Variants in MAP2 observed in about 807,000 individuals in gnomAD.
MAP2 encodes the protein microtubule-associated protein 2.
In MAP2, 14 loss-of-function variants were observed where a neutral mutation model predicts 137.6. The ratio of observed to expected loss-of-function variants is 0.10; its 90% CI spans 0.07 to 0.16. The LOEUF (loss-of-function observed/expected upper bound fraction) is 0.16. Ranked by LOEUF, MAP2 falls within the 10% of genes least tolerant of loss-of-function variation. The pLI is 1.00. For missense variants in MAP2, 2,088 were observed against 2,191.5 expected (o/e 0.95, Z 0.94); for synonymous variants, 786 against 782.3 (o/e 1.00, Z -0.08).
At chr2:209,678,890 G>A (rs2053208095) in intron 6 of MAP2, among the ~76,000 whole-genome samples, 1 of 151,970 alleles carries the variant, frequency 6.6e-6, no homozygotes, top group African/African-American at 2.4e-5. Context: ...CTTTCGTTAG[G>A]GTGGTGAGCT....
chr2:209,500,205 C>T (rs1307575497), intron 1 of MAP2, among the ~76,000 whole-genome samples: 1 of 152,130 alleles, frequency 6.6e-6, no homozygotes, highest in Non-Finnish European at 1.5e-5. Flanking sequence ...AATTTAAAAC[C>T]TTCAGTGGTC....
Position 209,435,852 on chromosome 2 carries a change from C to G in MAP2, c.-222+11576C>G, listed in dbSNP as rs1695800002. Among the ~76,000 whole-genome samples, 3 of 148,610 alleles carry G rather than the reference C, an allele frequency of 2.0e-5. No homozygotes were observed. The South Asian group carries it at 6.3e-4, about 31-fold the overall frequency. On this transcript the variant is annotated intron_variant, in intron 1 of 15. Coordinates refer to ENST00000682079, the MANE Select transcript of MAP2 (RefSeq NM_001375505.1). ...GTGGAGATGGGTGAGAGTTAGAAGC[C>G]ATGCAGAAATGTAGTCAGTCAGTGA...
intron 1 of MAP2, among the ~76,000 whole-genome samples, chr2:209,480,155 C>G (rs1003180490): frequency 2.6e-4 from 39 of 152,106 alleles, no homozygotes; most frequent in African/African-American, 8.9e-4. Context: ...TAGACTGTCA[C>G]TGTGTCAAAG....
At chr2:209,583,147 G>GTCTGTCTATCTATCTATCTATCTA (rs372013614) in intron 3 of MAP2, among the ~76,000 whole-genome samples, 1,925 of 147,232 alleles carry the variant, frequency 0.013, 46 homozygotes, top group African/African-American at 0.047. Context: ...CTGTCTGTCT[G>GTCTGTCTATCTATCTATCTATCTA]TCTATCTATC....
intron 5 of MAP2, among the ~76,000 whole-genome samples, chr2:209,677,833 A>G (rs188082836): frequency 9.2e-5 from 14 of 152,134 alleles, no homozygotes; most frequent in African/African-American, 3.4e-4. Flanking sequence ...TCAACTCTCT[A>G]GAAAAATACT....
chr2:209,515,694 C>T (rs2062394408), intron 2 of MAP2, among the ~76,000 whole-genome samples: 1 of 152,090 alleles, frequency 6.6e-6, no homozygotes, highest in Admixed American at 6.6e-5. Context: ...AGAGGCAAAC[C>T]ATATCAGTAG....
chr2:209,545,295 TGAAATCCATCTGTGG>T (rs1214944541), intron 2 of MAP2, among the ~76,000 whole-genome samples: 2 of 152,250 alleles, frequency 1.3e-5, no homozygotes, highest in Admixed American at 6.5e-5. Flanking sequence ...CTCTTGTAGA[TGAAATCCATCTGTGG>T]GAAAGCATCC....
chr2:209,593,634 A>AAAAAAAAAAAAT (rs1286103137), intron 3 of MAP2, among the ~76,000 whole-genome samples: 13 of 33,642 alleles, frequency 3.9e-4, no homozygotes, highest in South Asian at 1.3e-3. Context: ...AAAAAAAAAA[A>AAAAAAAAAAAAT]ATATATATAT....
chr2:209,509,704 G>T (rs2061496996), intron 2 of MAP2, among the ~76,000 whole-genome samples: 1 of 151,788 alleles, frequency 6.6e-6, no homozygotes, highest in Non-Finnish European at 1.5e-5. Flanking sequence ...TAAAATAAAA[G>T]AGTTTCCCTC....
At chr2:209,668,783 G>A (rs938861941) in intron 5 of MAP2, among the ~76,000 whole-genome samples, 1 of 151,948 alleles carries the variant, frequency 6.6e-6, no homozygotes, top group Admixed American at 6.6e-5. Context: ...TTGGGTTGTG[G>A]CTGAGCTTTT....
chr2:209,596,115 GAAAGAAAAA>G (rs2153448491), intron 3 of MAP2, among the ~76,000 whole-genome samples: 1 of 151,206 alleles, frequency 6.6e-6, no homozygotes, highest in East Asian at 1.9e-4. Context: ...TTTAAAAAGA[GAAAGAAAAA>G]AAAGAAAATA....
Position 209,696,626 on chromosome 2 carries a change from T to G in MAP2, c.4265T>G (p.Leu1422Arg). 6.2e-7 allele frequency: 1 copy of G among 1,613,808 alleles called. No homozygotes were observed. The highest frequency in any genetic ancestry group is 8.5e-7 in the Non-Finnish European group (1 of 1,179,848). The change falls in exon 9 of 16, where the codon CTT (leucine) becomes CGT (arginine). Residue 1422 changes from leucine to arginine, a missense_variant. By Grantham distance (102) the Leu-to-Arg change is moderately radical. This residue lies in a region of MAP2 where 591 missense variants were observed against 642.6 expected (regional missense o/e 0.92). Transcript: ENST00000682079. ...KAEKEARRSSLEKHRKEKPFK... is the reference protein window; with the variant it reads ...KAEKEARRSSREKHRKEKPFK... ...GAAAAGGAAGCTCGGAGATCATCTC[T>G]TGAGAAACATAGAAAAGAAAAGCCT... is the stretch of plus-strand genomic sequence containing the variant.
At chr2:209,601,281 TTC>T (rs1350358986) in intron 3 of MAP2, among the ~76,000 whole-genome samples, 1 of 152,198 alleles carries the variant, frequency 6.6e-6, no homozygotes, top group Non-Finnish European at 1.5e-5. Context: ...TTATTCTTTT[TTC>T]TTTTTTTCAA....
At chr2:209,713,581 C>T (rs1217372399) in intron 13 of MAP2, among the ~76,000 whole-genome samples, 2 of 152,196 alleles carry the variant, frequency 1.3e-5, no homozygotes, top group Admixed American at 6.5e-5. Flanking sequence ...GGAAGACTAT[C>T]TTATTAAGTG....
chr2:209,493,553 A>G (rs1459900264), intron 1 of MAP2, among the ~76,000 whole-genome samples: 1 of 152,234 alleles, frequency 6.6e-6, no homozygotes. Context: ...CAAAGGGCTA[A>G]TATCCAGAGT....
In MAP2 at chr2:209,693,617, G is replaced by A; in HGVS notation, c.1447G>A (p.Glu483Lys). The change falls in exon 8 of 16, where the codon GAA becomes AAA. Residue 483 changes from glutamate to lysine, a missense_variant. Glu to Lys is a moderately conservative substitution (Grantham distance 56). Transcript: ENST00000682079. ...GACCTCCACAGAGCACACTTTCTCA[G>A]AACAGAAAGACCAAGAGCCTACCAC... ...IQTSTEHTFS[E>K]QKDQEPTTDM... is the part of the protein sequence containing the mutation. The A allele has an allele frequency of 2.5e-6, 4 of 1,613,914 alleles. No homozygotes were observed. Among genetic ancestry groups the A allele is most frequent in the Non-Finnish European group, 3.4e-6 (4 of 1,180,000 alleles).
chr2:209,480,533 C>A, intron 1 of MAP2, among the ~76,000 whole-genome samples: 1 of 96,474 alleles, frequency 1.0e-5, no homozygotes, highest in Admixed American at 1.2e-4. Flanking sequence ...TTAAGATGAT[C>A]TAAAGTTTGT....
At chr2:209,467,875 G>A (rs1011282410) in intron 1 of MAP2, among the ~76,000 whole-genome samples, 1 of 152,104 alleles carries the variant, frequency 6.6e-6, no homozygotes, top group Admixed American at 6.6e-5. Context: ...TGTCTCATAG[G>A]TTGGTATGAC....
chr2:209,726,172 A>G (rs752861901), intron 14 of MAP2, among the ~76,000 whole-genome samples: 4 of 152,112 alleles, frequency 2.6e-5, no homozygotes, highest in African/African-American at 9.7e-5. Context: ...GGCTTTCTAC[A>G]TTATGTAAAA....
Sources: gnomAD v4.1 joint callset for allele counts (sites outside exome capture counted in the v4.1 genomes callset) on GRCh38, gnomAD v4.1.1 for gene constraint, gnomAD v4.1.1 regional missense constraint, MANE v1.5 for transcripts, NCBI Gene and HGNC (gene_info 2026-07-23, HGNC 2026-07-21) for gene names.